The following CAMTA1 variants were observed in gnomAD, a reference collection of about 807,000 sequenced individuals.
CAMTA1 encodes calmodulin binding transcription activator 1.
A neutral mutation model predicts 170.9 loss-of-function variants in CAMTA1; 27 were observed. The ratio of observed to expected loss-of-function variants is 0.16; its 90% CI spans 0.12 to 0.22. The LOEUF (loss-of-function observed/expected upper bound fraction) is 0.22, where lower values mean the gene tolerates loss of function less well. CAMTA1 is among the 10% of genes least tolerant of loss of function. The pLI is 1.00. For synonymous variants in CAMTA1, 833 were observed against 891.5 expected, an observed-to-expected ratio of 0.93 and a Z score of 1.17; for missense variants, 1,619 against 2,217.2, an observed-to-expected ratio of 0.73 and a Z score of 5.42.
At chr1:7,467,701 T>G (rs1238193842) in intron 5 of CAMTA1, 129 bp from the exon 6 acceptor site, 2 of 834,768 alleles carry the variant, frequency 2.4e-6, no homozygotes, top group Non-Finnish European at 4.2e-6. Context: ...GACGCAGAGG[T>G]GCCCTCGGTC....
intron 19 of CAMTA1, among the ~76,000 whole-genome samples, chr1:7,750,741 G>C (rs1344768091): frequency 3.3e-5 from 5 of 152,220 alleles, no homozygotes; most frequent in Non-Finnish European, 7.3e-5. Flanking sequence ...TCAGAAACTT[G>C]TCGTGTGGAA....
chr1:7,538,354 C>A (rs1413183836), intron 6 of CAMTA1, among the ~76,000 whole-genome samples: 1 of 145,008 alleles, frequency 6.9e-6, no homozygotes, highest in African/African-American at 2.8e-5. Context: ...GTTATGTATT[C>A]TTTTCATTAA....
intron 3 of CAMTA1, chr1:6,871,821 C>T: frequency 6.6e-7 from 1 of 1,515,776 alleles, no homozygotes; most frequent in Non-Finnish European, 8.8e-7. Context: ...ACCTTTGATC[C>T]CCTGACCTGC....
intron 4 of CAMTA1, among the ~76,000 whole-genome samples, chr1:7,138,628 A>C (rs1207394157): frequency 6.6e-6 from 1 of 152,206 alleles, no homozygotes; most frequent in Non-Finnish European, 1.5e-5. Flanking sequence ...GATAAAACAC[A>C]TACATGCCAA....
chr1:6,883,992 T>C (rs1324069646), intron 3 of CAMTA1, among the ~76,000 whole-genome samples: 1 of 152,190 alleles, frequency 6.6e-6, no homozygotes, highest in Non-Finnish European at 1.5e-5. Flanking sequence ...ATATTTCCAT[T>C]ACCTTCTAAT....
intron 3 of CAMTA1, among the ~76,000 whole-genome samples, chr1:6,828,890 G>GTTTTTTTT: frequency 9.8e-6 from 1 of 101,996 alleles, no homozygotes; most frequent in Non-Finnish European, 1.9e-5. Flanking sequence ...CTGTAACGTA[G>GTTTTTTTT]TTTTTTTTTT....
intron 6 of CAMTA1, among the ~76,000 whole-genome samples, chr1:7,526,301 C>T (rs956478699): frequency 1.3e-5 from 2 of 152,018 alleles, no homozygotes; most frequent in Non-Finnish European, 2.9e-5. Context: ...TGCATCTCCC[C>T]GAGCTCCCCC....
At chr1:7,116,904 G>A (rs1224872745) in intron 4 of CAMTA1, among the ~76,000 whole-genome samples, 2 of 150,786 alleles carry the variant, frequency 1.3e-5, no homozygotes, top group East Asian at 4.0e-4. Flanking sequence ...CACCCGCCTC[G>A]GCCTCCCAAA....
chr1:7,627,246 G>A (rs578219162), intron 6 of CAMTA1, among the ~76,000 whole-genome samples: 1 of 152,198 alleles, frequency 6.6e-6, no homozygotes, highest in Non-Finnish European at 1.5e-5. Flanking sequence ...GTCTGTTGGA[G>A]ATCATGATGC....
intron 6 of CAMTA1, among the ~76,000 whole-genome samples, chr1:7,612,459 GT>G (rs2095530337): frequency 6.6e-6 from 1 of 152,188 alleles, no homozygotes; most frequent in Non-Finnish European, 1.5e-5. Context: ...GGAGCTTGGG[GT>G]TTATATGAGT....
chr1:7,292,499 C>T (rs1673294651), intron 5 of CAMTA1, among the ~76,000 whole-genome samples: 1 of 152,164 alleles, frequency 6.6e-6, no homozygotes, highest in African/African-American at 2.4e-5. Flanking sequence ...CCTCGCCATT[C>T]ATCCTGAAGA....
chr1:7,314,447 C>T (rs556182882), intron 5 of CAMTA1, among the ~76,000 whole-genome samples: 3 of 152,336 alleles, frequency 2.0e-5, no homozygotes, highest in South Asian at 2.1e-4. Context: ...GGAGACAGTC[C>T]ATTTGCATTC....
intron 6 of CAMTA1, among the ~76,000 whole-genome samples, chr1:7,518,655 G>A (rs180765529): frequency 5.8e-4 from 88 of 152,090 alleles, no homozygotes; most frequent in Admixed American, 1.6e-3. Context: ...GAGAAGGGCC[G>A]GGCTGGCCTG....
intron 4 of CAMTA1, among the ~76,000 whole-genome samples, chr1:7,116,375 C>T (rs1396097262): frequency 6.6e-6 from 1 of 152,140 alleles, no homozygotes; most frequent in Non-Finnish European, 1.5e-5. Context: ...CTTGGTTTTC[C>T]TTAGTGTGGC....
intron 7 of CAMTA1, among the ~76,000 whole-genome samples, chr1:7,649,762 G>C (rs2095836310): frequency 6.6e-6 from 1 of 152,226 alleles, no homozygotes; most frequent in African/African-American, 2.4e-5. Flanking sequence ...TTCCGTGACA[G>C]GAGATCCCCC....
At chr1:7,070,658 A>G (rs1638520148) in intron 3 of CAMTA1, among the ~76,000 whole-genome samples, 2 of 152,192 alleles carry the variant, frequency 1.3e-5, no homozygotes, top group African/African-American at 4.8e-5. Context: ...CCTGGCCCTG[A>G]ACCCAGGTCT....
chr1:7,213,411 T>C (rs1659135303), intron 4 of CAMTA1, among the ~76,000 whole-genome samples: 1 of 152,238 alleles, frequency 6.6e-6, no homozygotes, highest in Non-Finnish European at 1.5e-5. Context: ...ATATTCTCTT[T>C]GGTGAATTAC....
At chr1:7,743,042 A>G (rs2096829677) in intron 16 of CAMTA1, among the ~76,000 whole-genome samples, 1 of 152,168 alleles carries the variant, frequency 6.6e-6, no homozygotes, top group Non-Finnish European at 1.5e-5. Flanking sequence ...GGGTAGAGAC[A>G]GGGTTTCGCC....
chr1:6,828,653 G>A (rs1220155011), intron 3 of CAMTA1, among the ~76,000 whole-genome samples: 3 of 151,838 alleles, frequency 2.0e-5, no homozygotes, highest in African/African-American at 4.8e-5. Flanking sequence ...ATAATTATTT[G>A]TAAGCCTTAA....
Sources: allele counts gnomAD v4.1 joint callset (sites outside exome capture counted in the v4.1 genomes callset), GRCh38; gene constraint gnomAD v4.1.1; transcripts MANE v1.5; gene names NCBI Gene and HGNC (gene_info 2026-07-23, HGNC 2026-07-21).